The following LOXHD1 variants were observed in gnomAD, a reference collection of about 807,000 sequenced individuals.
The protein encoded by LOXHD1 is lipoxygenase homology PLAT domains 1.
LOXHD1 carries 205 observed loss-of-function variants against 248.2 expected under a neutral mutation model. The observed-to-expected ratio is 0.83, with a 90% CI of 0.74 to 0.93. The LOEUF is 0.93. Among genes scored for constraint, LOXHD1 ranks in the 40% least tolerant of loss-of-function variants. The pLI is 0.00. For synonymous variants in LOXHD1, 1,113 were observed against 1,162.8 expected (o/e 0.96, Z 0.87); for missense variants, 2,930 against 2,971.6 (o/e 0.99, Z 0.33).
intron 4 of LOXHD1, among the ~76,000 whole-genome samples, chr18:46,622,912 T>C (rs2038688621): frequency 6.6e-6 from 1 of 152,084 alleles, no homozygotes; most frequent in Admixed American, 6.5e-5. Flanking sequence ...GGAGCAGAAA[T>C]GGAAACAGGT....
intron 4 of LOXHD1, among the ~76,000 whole-genome samples, chr18:46,629,515 G>A (rs907795452): frequency 1.6e-4 from 24 of 152,152 alleles, no homozygotes; most frequent in Admixed American, 1.5e-3. Context: ...CCCCTAATAC[G>A]TTAATCACCA....
chr18:46,611,492 T>A (rs1189839151), intron 5 of LOXHD1, among the ~76,000 whole-genome samples: 1 of 152,200 alleles, frequency 6.6e-6, no homozygotes, highest in African/African-American at 2.4e-5. Flanking sequence ...TTGCCAAAAG[T>A]CATGCAGGTT....
chr18:46,566,267 C>T lies in LOXHD1; in HGVS notation c.2427G>A (p.Glu809=). 1.9e-6 allele frequency: 3 copies of T among 1,549,066 alleles called. No individual in the cohort carries two copies. Among genetic ancestry groups the T allele is most frequent in the Middle Eastern group, 3.4e-4 (2 of 5,898 alleles). The change falls in exon 17 of 41, where the codon GAG becomes GAA. Residue 809 remains glutamate, a synonymous_variant. Transcript: ENST00000642948. ...EVELYPSEVV[E]IQKLVHYEVE... is the part of the protein sequence containing the mutation. ...CAGCCTCCTCCATACATTTCTGGATCTCCACCACCTCGCTGGGATACAGCT... is the reference window on the plus strand; with the variant it reads ...CAGCCTCCTCCATACATTTCTGGATTTCCACCACCTCGCTGGGATACAGCT...
chr18:46,622,971 G>A (rs141952681), intron 4 of LOXHD1, among the ~76,000 whole-genome samples: 41 of 152,328 alleles, frequency 2.7e-4, no homozygotes, highest in South Asian at 2.3e-3. Context: ...CCCTGTTCCT[G>A]ATCAAGCTTG....
At chr18:46,545,470 T>C in intron 22 of LOXHD1, 49 bp from the exon 23 acceptor site, 5 of 1,423,912 alleles carry the variant, frequency 3.5e-6, no homozygotes, top group Non-Finnish European at 4.8e-6. Flanking sequence ...GTTCCTTTCA[T>C]GAAAGGAGGA....
At chr18:46,656,854 C>G in intron 1 of LOXHD1, 50 bp downstream of exon 1, 1 of 1,541,456 alleles carries the variant, frequency 6.5e-7, no homozygotes, top group Non-Finnish European at 8.8e-7. Flanking sequence ...AGACCCCTGC[C>G]CACCGCAGCC....
chr18:46,612,897 G>C (rs1405038386), intron 5 of LOXHD1, among the ~76,000 whole-genome samples: 1 of 152,062 alleles, frequency 6.6e-6, no homozygotes, highest in East Asian at 1.9e-4. Context: ...CCAACTCTAT[G>C]TGTGCTTCTA....
chr18:46,555,442 C>T, intron 21 of LOXHD1: 1 of 204,930 alleles, frequency 4.9e-6, no homozygotes, highest in Non-Finnish European at 9.6e-6. Context: ...TGACAATGGG[C>T]TGTCTGTGAG....
chr18:46,579,738 A>C lies in LOXHD1; in HGVS notation c.1701T>G (p.Ala567=). 5 of 1,551,824 alleles carry C rather than the reference A, an allele frequency of 3.2e-6. No individual in the cohort carries two copies. The highest frequency in any genetic ancestry group is 4.4e-6 in the Non-Finnish European group (5 of 1,147,010). Residue 567 remains alanine (A), a synonymous_variant, in exon 13 of 41, where the codon GCT becomes GCG. Coordinates refer to ENST00000642948, the MANE Select transcript of LOXHD1 (RefSeq NM_001384474.1). ...VTVCTGELEG[A]GTDANVYLCL... The stretch of plus-strand genomic sequence containing the variant: ...AGAGATAGACGTTGGCATCGGTCCC[A>C]GCACCTTCAAGTTCACCTGTGCACA...
At position 46,639,855 on chromosome 18, in the gene LOXHD1, T is replaced by C. The variant is rs577878155; in HGVS notation, c.327-55A>G. The C allele has an allele frequency of 4.5e-6, 7 of 1,540,284 alleles. No individual in the cohort carries two copies. The African/African-American group carries it at 9.6e-5, about 21-fold the overall frequency. ...ACTGGCAGAACTGAAACAGCACCCC[T>C]TCCATACTGGAATACCCAGATGTTT... On this transcript the variant is annotated intron_variant, in intron 3 of 40. Transcript: ENST00000642948.
At chr18:46,642,817 G>A (rs994847538) in intron 2 of LOXHD1, among the ~76,000 whole-genome samples, 7 of 152,242 alleles carry the variant, frequency 4.6e-5, no homozygotes, top group African/African-American at 9.6e-5. Flanking sequence ...GTGCAGGGCC[G>A]GGGCCCCTGC....
chr18:46,618,161 G>A (rs2038615929), intron 5 of LOXHD1, 31 bp downstream of exon 5: 1 of 1,499,388 alleles, frequency 6.7e-7, no homozygotes, highest in Admixed American at 2.0e-5. Flanking sequence ...CCTGGGCTTG[G>A]CTTATGAAAA....
At chr18:46,585,622 G>C (rs1568202040) in intron 12 of LOXHD1, among the ~76,000 whole-genome samples, 1 of 152,008 alleles carries the variant, frequency 6.6e-6, no homozygotes, top group Admixed American at 6.6e-5. Flanking sequence ...TCCCCAAACT[G>C]GTCTATAGAT....
At chr18:46,625,037 T>A (rs1200229560) in intron 4 of LOXHD1, among the ~76,000 whole-genome samples, 1 of 152,096 alleles carries the variant, frequency 6.6e-6, no homozygotes, top group Non-Finnish European at 1.5e-5. Context: ...TTTTTAGTAA[T>A]GAGGCAATGG....
intron 23 of LOXHD1, chr18:46,544,781 C>T (rs972599786): frequency 6.4e-6 from 3 of 470,998 alleles, no homozygotes; most frequent in Non-Finnish European, 1.3e-5. Flanking sequence ...GATATGAGCA[C>T]CCCATGGTCA....
intron 26 of LOXHD1, among the ~76,000 whole-genome samples, 186 bp from the exon 27 acceptor site, chr18:46,534,637 T>C (rs2036226131): frequency 6.6e-6 from 1 of 152,194 alleles, no homozygotes; most frequent in Non-Finnish European, 1.5e-5. Flanking sequence ...ATGCCTCATG[T>C]CCCCTCTCTT....
chr18:46,495,810 G>T (rs1469053648), intron 37 of LOXHD1, among the ~76,000 whole-genome samples: 4 of 152,148 alleles, frequency 2.6e-5, no homozygotes, highest in African/African-American at 9.7e-5. Context: ...AATTTTGTAA[G>T]AAACTGTTCA....
intron 37 of LOXHD1, among the ~76,000 whole-genome samples, chr18:46,495,741 C>T (rs2033820906): frequency 6.6e-6 from 1 of 151,976 alleles, no homozygotes; most frequent in South Asian, 2.1e-4. Flanking sequence ...GAAAATTCGC[C>T]ATGGAGTGGA....
chr18:46,592,284 C>CA (rs1197066720), intron 11 of LOXHD1, among the ~76,000 whole-genome samples: 2 of 152,008 alleles, frequency 1.3e-5, no homozygotes, highest in East Asian at 3.9e-4. Flanking sequence ...TGCAAGCCCC[C>CA]CAAACACCTG....
Sources: allele counts gnomAD v4.1 joint callset (sites outside exome capture counted in the v4.1 genomes callset), GRCh38; gene constraint gnomAD v4.1.1; transcripts MANE v1.5; gene names NCBI Gene and HGNC (gene_info 2026-07-23, HGNC 2026-07-21).